The following LRP1 variants were observed in gnomAD, a reference collection of about 807,000 sequenced individuals.
LRP1 encodes the protein prolow-density lipoprotein receptor-related protein 1.
LRP1 carries 51 observed loss-of-function variants against 541.5 expected under a neutral mutation model. The ratio of observed to expected loss-of-function variants is 0.09; its 90% CI spans 0.08 to 0.12. The LOEUF (loss-of-function observed/expected upper bound fraction) is 0.12, where lower values mean the gene tolerates loss of function less well. LRP1 is among the 10% of genes least tolerant of loss of function. The pLI is 1.00. For missense variants in LRP1, 3,878 were observed against 6,376.2 expected (o/e 0.61, Z 13.34); for synonymous variants, 2,219 against 2,470.8 (o/e 0.90, Z 3.02).
At position 57,198,231 on chromosome 12, in the gene LRP1, G is replaced by A. The variant is rs747634592; in HGVS notation, c.9358G>A (p.Asp3120Asn). ...GGTGGGTGGCAACCTGTACTGGTGCGACAAAGGCCGGGACACCATCGAGGT... is the reference window on the plus strand; with the variant it reads ...GGTGGGTGGCAACCTGTACTGGTGCAACAAAGGCCGGGACACCATCGAGGT... ...DWVGGNLYWCDKGRDTIEVSK... is the reference protein window; with the variant it reads ...DWVGGNLYWCNKGRDTIEVSK... Residue 3120 changes from aspartate to asparagine, a missense_variant, in exon 59 of 89, where the codon GAC (aspartate) becomes AAC (asparagine). Transcript: ENST00000243077. The A allele has an allele frequency of 4.3e-6, 7 of 1,613,514 alleles. No individual in the cohort carries two copies. Among genetic ancestry groups the A allele is most frequent in the Non-Finnish European group, 5.1e-6 (6 of 1,179,860 alleles).
intron 11 of LRP1, among the ~76,000 whole-genome samples, chr12:57,159,562 C>T (rs886416455): frequency 4.6e-5 from 7 of 152,206 alleles, no homozygotes; most frequent in Non-Finnish European, 8.8e-5. Flanking sequence ...CACGAGAGCC[C>T]ACATCAGCCA....
chr12:57,180,625 G>A, intron 32 of LRP1, 42 bp from the exon 33 acceptor site: 1 of 1,612,506 alleles, frequency 6.2e-7, no homozygotes, highest in Non-Finnish European at 8.5e-7. Context: ...AGAGCTGGGT[G>A]TGGGGCCTTC....
chr12:57,171,458 G>T (rs528298852), intron 20 of LRP1, among the ~76,000 whole-genome samples: 2 of 152,150 alleles, frequency 1.3e-5, no homozygotes, highest in African/African-American at 4.8e-5. Flanking sequence ...AGGTGGAGCC[G>T]TTCAGACCGA....
chr12:57,176,353 T>C (rs2036046260), intron 24 of LRP1, among the ~76,000 whole-genome samples: 1 of 152,228 alleles, frequency 6.6e-6, no homozygotes, highest in African/African-American at 2.4e-5. Flanking sequence ...GGAGCTCTGC[T>C]CCCCAGATCT....
In LRP1 at chr12:57,183,257, A is replaced by G. The variant is rs1467165512; in HGVS notation, c.5663-122A>G. ...CTAGGGTGTGTGTGCTGGGTGGAGGATAGGGATGATGGTGGGGGGGGATGA... is the reference window on the plus strand; with the variant it reads ...CTAGGGTGTGTGTGCTGGGTGGAGGGTAGGGATGATGGTGGGGGGGGATGA... On this transcript the variant is annotated intron_variant, in intron 34 of 88. Coordinates refer to ENST00000243077, the MANE Select transcript of LRP1 (RefSeq NM_002332.3). This position sits in a 1 kb window ranked among gnomAD's most constrained non-coding sequence, Gnocchi z 6.1. The G allele has an allele frequency of 1.8e-6, 2 of 1,100,210 alleles. No individual in the cohort carries two copies. Among genetic ancestry groups the G allele is most frequent in the African/African-American group, 3.1e-5 (2 of 64,076 alleles). The allele number at this position is 1,100,210 out of a possible 1,614,324, so 68.2% of individuals were successfully genotyped here. A position where few individuals can be genotyped will look rare whatever the true frequency, so the allele number is the denominator to read the frequency against.
At chr12:57,152,963 T>A (rs1335093514) in intron 6 of LRP1, among the ~76,000 whole-genome samples, 1 of 151,936 alleles carries the variant, frequency 6.6e-6, no homozygotes, top group African/African-American at 2.4e-5. Context: ...GAGGGGGAAT[T>A]AGGGAGGGGT....
intron 1 of LRP1, among the ~76,000 whole-genome samples, chr12:57,135,023 C>T (rs758634986): frequency 1.2e-4 from 19 of 152,246 alleles, no homozygotes; most frequent in Middle Eastern, 3.4e-3. Context: ...TTTCTTAACC[C>T]GGCTGCATCC....
At chr12:57,146,592 G>T (rs544244456) in intron 6 of LRP1, 1 of 152,232 alleles carries the variant, frequency 6.6e-6, no homozygotes. Flanking sequence ...CCCTCCCCGG[G>T]ATGGTGGCGA....
In LRP1 at chr12:57,156,979, T is replaced by C; in HGVS notation, c.1561+59T>C. 1.3e-6 allele frequency: 2 copies of C among 1,489,832 alleles called. No homozygotes were observed. The highest frequency in any genetic ancestry group is 1.8e-6 in the Non-Finnish European group (2 of 1,112,266). 92.3% of individuals were successfully genotyped at this position (1,489,832 alleles called of 1,614,324 possible). On this transcript the variant is annotated intron_variant, in intron 10 of 88. Transcript: ENST00000243077. The surrounding 1 kb of genome is among the most constrained non-coding windows in gnomAD (Gnocchi z 5.2). ...GGAGGCTGCGGGAGGGTTCCTCAGGTGTCCCCCACAGCCCGGCTGCCTCTG... is the reference window on the plus strand; with the variant it reads ...GGAGGCTGCGGGAGGGTTCCTCAGGCGTCCCCCACAGCCCGGCTGCCTCTG...
chr12:57,200,826 G>GGGGGGCGC lies in LRP1; in HGVS notation c.10225+11_10225+12insGGGGGCGC. 4 of 1,581,410 alleles carry GGGGGGCGC rather than the reference G, an allele frequency of 2.5e-6. No homozygotes were observed. Among genetic ancestry groups the GGGGGGCGC allele is most frequent in the African/African-American group, 1.4e-5 (1 of 71,618 alleles). ...ACGAGGCCAACTGTGGTAAGGCGCT[G>GGGGGGCGC]CCCGCCCACCCTCCCTCCTTCCCCA... is the stretch of plus-strand genomic sequence containing the variant. On this transcript the variant is annotated intron_variant, in intron 64 of 88. Transcript: ENST00000243077.
chr12:57,192,286 G>A (rs891808024), intron 44 of LRP1, among the ~76,000 whole-genome samples: 1 of 151,880 alleles, frequency 6.6e-6, no homozygotes, highest in Non-Finnish European at 1.5e-5. Flanking sequence ...AGGCATCTAC[G>A]CACACAGATG....
rs2036929698 is a variant in LRP1 at position 57,212,058 on chromosome 12, G to T, written c.13349+41G>T. On this transcript the variant is annotated intron_variant, in intron 87 of 88. Coordinates refer to ENST00000243077, the MANE Select transcript of LRP1 (RefSeq NM_002332.3). This position sits in a 1 kb window ranked among gnomAD's most constrained non-coding sequence, Gnocchi z 5.0. ...TCTGGAACATTCTGGTCATTATTTT[G>T]CCATCCTAGCCTTCCCCCCCAATAA... 1 of 1,613,136 alleles carries T rather than the reference G, an allele frequency of 6.2e-7. No homozygotes were observed. Among genetic ancestry groups the T allele is most frequent in the South Asian group, 1.1e-5 (1 of 91,056 alleles).
At chr12:57,202,991 A>T in intron 68 of LRP1, 190 bp from the exon 69 acceptor site, 1 of 586,712 alleles carries the variant, frequency 1.7e-6, no homozygotes, top group Non-Finnish European at 3.0e-6. Context: ...GGTAAGTGCG[A>T]GCCCGCCTGT....
At chr12:57,202,039 G>A (rs1233051280) in intron 67 of LRP1, 134 bp downstream of exon 67, 29 of 1,182,054 alleles carry the variant, frequency 2.5e-5, no homozygotes, top group Non-Finnish European at 3.2e-5. Flanking sequence ...TCCTGGGCCT[G>A]CTGTGGGGCT....
chr12:57,187,888 A>G (rs1288960006), intron 42 of LRP1, among the ~76,000 whole-genome samples: 1 of 152,206 alleles, frequency 6.6e-6, no homozygotes, highest in Admixed American at 6.5e-5. Context: ...AGTAATGGTA[A>G]CTGGCACAGG....
At chr12:57,208,296 G>T (rs2036831180) in intron 77 of LRP1, 80 bp downstream of exon 77, 9 of 1,450,988 alleles carry the variant, frequency 6.2e-6, no homozygotes, top group South Asian at 3.8e-5. Context: ...GCACCCACAT[G>T]CGTGCCCTTC....
chr12:57,191,286 C>A, intron 43 of LRP1, 34 bp from the exon 44 acceptor site: 1 of 1,563,256 alleles, frequency 6.4e-7, no homozygotes, highest in Non-Finnish European at 8.7e-7. Context: ...GAGGCCTGAG[C>A]GATGCTGTGA....
chr12:57,137,367 C>T (rs911890504), intron 1 of LRP1, among the ~76,000 whole-genome samples: 19 of 152,022 alleles, frequency 1.2e-4, no homozygotes, highest in African/African-American at 4.6e-4. Flanking sequence ...GCCAAGAGGT[C>T]CTGAATATAG....
chr12:57,178,616 G>A lies in LRP1; in HGVS notation c.4606+13G>A, dbSNP rs538563470. The A allele has an allele frequency of 6.2e-7, 1 of 1,613,826 alleles. No homozygotes were observed. Among genetic ancestry groups the A allele is most frequent in the African/African-American group, 1.3e-5 (1 of 75,040 alleles). ...CGCCAGCCCATGGGTAAGGGGCTCG[G>A]GGCCTCGAGCAGCCGGAAGGGAGCC... On this transcript the variant is annotated intron_variant, in intron 27 of 88. Coordinates refer to ENST00000243077, the MANE Select transcript of LRP1 (RefSeq NM_002332.3). This position sits in a 1 kb window ranked among gnomAD's most constrained non-coding sequence, Gnocchi z 5.8.
Sources: allele counts gnomAD v4.1 joint callset (sites outside exome capture counted in the v4.1 genomes callset), GRCh38; gene constraint gnomAD v4.1.1; non-coding constraint Gnocchi (gnomAD v3.1); transcripts MANE v1.5; gene names NCBI Gene and HGNC (gene_info 2026-07-23, HGNC 2026-07-21).